The following GRIK2 variants were observed in gnomAD, a reference collection of about 807,000 sequenced individuals.
The protein encoded by GRIK2 is glutamate receptor ionotropic, kainate 2.
A neutral mutation model predicts 100.3 loss-of-function variants in GRIK2; 32 were observed. That is an observed-to-expected ratio of 0.32 (90% CI 0.24 to 0.43). The LOEUF (loss-of-function observed/expected upper bound fraction) is 0.43. Ranked by LOEUF, GRIK2 falls within the 20% of genes least tolerant of loss-of-function variation. GRIK2 has a pLI of 1.00. For synonymous variants in GRIK2, 417 were observed against 389.4 expected (o/e 1.07, Z -0.83); for missense variants, 843 against 1,114.9 (o/e 0.76, Z 3.47).
chr6:101,871,552 C>T (rs1197650601), intron 11 of GRIK2, among the ~76,000 whole-genome samples: 2 of 151,822 alleles, frequency 1.3e-5, no homozygotes, highest in Admixed American at 6.6e-5. Context: ...CTAGTAATCC[C>T]CAGTGTCTAT....
chr6:101,612,645 A>T (rs1239867589), intron 2 of GRIK2, among the ~76,000 whole-genome samples: 1 of 151,660 alleles, frequency 6.6e-6, no homozygotes, highest in Non-Finnish European at 1.5e-5. Flanking sequence ...ACCAGTGAGG[A>T]ATGTTTTCCC....
At chr6:101,770,627 G>A (rs980848655) in intron 7 of GRIK2, among the ~76,000 whole-genome samples, 2 of 152,132 alleles carry the variant, frequency 1.3e-5, no homozygotes, top group African/African-American at 4.8e-5. Flanking sequence ...TTGACCTACC[G>A]GCTAAAAGGG....
At chr6:102,030,253 T>C (rs1205016326) in intron 14 of GRIK2, among the ~76,000 whole-genome samples, 2 of 151,314 alleles carry the variant, frequency 1.3e-5, no homozygotes, top group East Asian at 2.0e-4. Context: ...TTCTTTCTTT[T>C]TCTGACATTT....
intron 2 of GRIK2, among the ~76,000 whole-genome samples, chr6:101,501,833 C>A (rs1244120687): frequency 6.6e-6 from 1 of 152,178 alleles, no homozygotes; most frequent in African/African-American, 2.4e-5. Context: ...TCTCTGCTCA[C>A]TGCAACCTCC....
chr6:101,789,912 G>C (rs1779719187), intron 7 of GRIK2, among the ~76,000 whole-genome samples: 1 of 152,088 alleles, frequency 6.6e-6, no homozygotes, highest in African/African-American at 2.4e-5. Flanking sequence ...TCCTTGAAGA[G>C]GTCCTTCACG....
At chr6:101,607,661 AAAGTAGCTG>A (rs1319105861) in intron 2 of GRIK2, among the ~76,000 whole-genome samples, 2 of 151,942 alleles carry the variant, frequency 1.3e-5, no homozygotes, top group African/African-American at 2.4e-5. Flanking sequence ...GTGTCTATTT[AAAGTAGCTG>A]ATAATGTCAG....
intron 14 of GRIK2, among the ~76,000 whole-genome samples, chr6:101,952,176 G>T (rs1158107450): frequency 6.6e-6 from 1 of 152,186 alleles, no homozygotes; most frequent in African/African-American, 2.4e-5. Flanking sequence ...GAACCATCCA[G>T]TATGTAACCT....
chr6:101,407,327 G>A (rs1257107920), intron 2 of GRIK2, among the ~76,000 whole-genome samples: 1 of 152,062 alleles, frequency 6.6e-6, no homozygotes, highest in Non-Finnish European at 1.5e-5. Context: ...CACGTTTAGA[G>A]TCTTAAGTTT....
intron 2 of GRIK2, among the ~76,000 whole-genome samples, chr6:101,579,837 G>A (rs529659258): frequency 3.4e-5 from 5 of 146,150 alleles, no homozygotes; most frequent in South Asian, 4.3e-4. Flanking sequence ...GCAACAGAGC[G>A]AGACTGTGTC....
At chr6:101,675,973 G>C (rs778814086) in intron 4 of GRIK2, among the ~76,000 whole-genome samples, 8 of 152,124 alleles carry the variant, frequency 5.3e-5, no homozygotes, top group African/African-American at 1.9e-4. Context: ...TGAAAACCAA[G>C]TAACCAAAGT....
At chr6:101,412,257 A>G (rs1172556508) in intron 2 of GRIK2, among the ~76,000 whole-genome samples, 1 of 152,114 alleles carries the variant, frequency 6.6e-6, no homozygotes, top group Non-Finnish European at 1.5e-5. Context: ...ATTGTTAATA[A>G]TTGCATATAC....
At chr6:101,637,744 A>C (rs1404551432) in intron 4 of GRIK2, among the ~76,000 whole-genome samples, 1 of 151,946 alleles carries the variant, frequency 6.6e-6, no homozygotes, top group African/African-American at 2.4e-5. Flanking sequence ...CATCATTGAC[A>C]CTCTCATGCC....
At position 101,928,500 on chromosome 6, in the gene GRIK2, T is replaced by G. The variant is rs746337504; in HGVS notation, c.1953T>G (p.Tyr651Ter). ...WFFTLIIISS[Y>*]TANLAAFLTV... The stretch of plus-strand genomic sequence containing the variant: ...TCACACTTATCATCATTTCTTCGTA[T>G]ACTGCTAACTTAGCCGCCTTTCTGA... The change falls in exon 14 of 17, where the codon TAT becomes TAG. Residue 651 changes from tyrosine to a stop codon, truncating the protein, a stop_gained. Transcript: ENST00000369134. LOFTEE classifies it high-confidence loss of function. The G allele has an allele frequency of 6.2e-7, 1 of 1,604,790 alleles. No homozygotes were observed. Among genetic ancestry groups the G allele is most frequent in the Non-Finnish European group, 8.5e-7 (1 of 1,171,466 alleles).
intron 12 of GRIK2, among the ~76,000 whole-genome samples, chr6:101,897,955 A>C (rs144165162): frequency 6.6e-6 from 1 of 151,954 alleles, no homozygotes; most frequent in African/African-American, 2.4e-5. Flanking sequence ...ATGGTTGTCT[A>C]TGCAGTCTTG....
At chr6:101,756,912 C>T (rs1777170740) in intron 7 of GRIK2, among the ~76,000 whole-genome samples, 1 of 152,126 alleles carries the variant, frequency 6.6e-6, no homozygotes, top group Non-Finnish European at 1.5e-5. Flanking sequence ...AATTAATCCT[C>T]ACACTTCCTA....
At chr6:101,522,546 GAC>G (rs1774929762) in intron 2 of GRIK2, among the ~76,000 whole-genome samples, 1 of 151,996 alleles carries the variant, frequency 6.6e-6, no homozygotes, top group Non-Finnish European at 1.5e-5. Flanking sequence ...CACAGAGAAA[GAC>G]AGCATGAAAA....
chr6:101,943,017 G>A (rs370891013), intron 14 of GRIK2, among the ~76,000 whole-genome samples: 1 of 152,176 alleles, frequency 6.6e-6, no homozygotes, highest in African/African-American at 2.4e-5. Flanking sequence ...AGAGGCCTAG[G>A]AGGGGAAAAA....
intron 7 of GRIK2, among the ~76,000 whole-genome samples, chr6:101,736,897 T>C (rs1312107094): frequency 1.3e-5 from 2 of 152,154 alleles, no homozygotes; most frequent in African/African-American, 4.8e-5. Flanking sequence ...CTTCCCTTAT[T>C]AACAGCACCC....
chr6:101,554,188 C>T (rs62419629), intron 2 of GRIK2, among the ~76,000 whole-genome samples: 5,741 of 152,142 alleles, frequency 0.038, 162 homozygotes, highest in Non-Finnish European at 0.054. Context: ...AAAAAGAGCC[C>T]GGTTCTGCAG....
Sources: allele counts gnomAD v4.1 joint callset (sites outside exome capture counted in the v4.1 genomes callset), GRCh38; gene constraint gnomAD v4.1.1; transcripts MANE v1.5; gene names NCBI Gene and HGNC (gene_info 2026-07-23, HGNC 2026-07-21).